ADAMTS6: variants seen among roughly 807,000 people sequenced by gnomAD.
ADAMTS6 encodes ADAM metallopeptidase with thrombospondin type 1 motif 6.
Under a neutral mutation model 144.3 loss-of-function variants are expected in ADAMTS6, and 23 were observed. That is an observed-to-expected ratio of 0.16 (90% CI 0.11 to 0.23). The LOEUF is 0.23. Ranked by LOEUF, ADAMTS6 falls within the 10% of genes least tolerant of loss-of-function variation. ADAMTS6 has a pLI of 1.00. For missense variants in ADAMTS6, 999 were observed against 1,379.6 expected, an observed-to-expected ratio of 0.72 and a Z score of 4.37; for synonymous variants, 444 against 457.5, an observed-to-expected ratio of 0.97 and a Z score of 0.38.
intron 7 of ADAMTS6, among the ~76,000 whole-genome samples, chr5:65,429,233 A>C (rs1756802701): frequency 1.3e-5 from 2 of 152,232 alleles, no homozygotes; most frequent in African/African-American, 4.8e-5. Flanking sequence ...GACACAAAGA[A>C]GAATCTGGAT....
intron 4 of ADAMTS6, among the ~76,000 whole-genome samples, chr5:65,458,704 C>A (rs974775028): frequency 1.3e-5 from 2 of 152,222 alleles, no homozygotes; most frequent in Non-Finnish European, 2.9e-5. Context: ...GCCACTGCAC[C>A]CGGCCAACCC....
chr5:65,417,598 A>G (rs1423936370), intron 7 of ADAMTS6, among the ~76,000 whole-genome samples: 2 of 152,182 alleles, frequency 1.3e-5, no homozygotes, highest in Non-Finnish European at 2.9e-5. Context: ...TCAAGCTGAG[A>G]GCCAAATCAA....
At chr5:65,473,305 T>G (rs1760606750) in intron 2 of ADAMTS6, among the ~76,000 whole-genome samples, 1 of 152,120 alleles carries the variant, frequency 6.6e-6, no homozygotes, top group Admixed American at 6.5e-5. Context: ...TATTAAAGTT[T>G]AAGTTTCAGA....
chr5:65,454,079 G>A (rs537999699), intron 4 of ADAMTS6, among the ~76,000 whole-genome samples: 1 of 152,256 alleles, frequency 6.6e-6, no homozygotes, highest in East Asian at 1.9e-4. Context: ...GTGGGAGTGG[G>A]TTCCTGATAA....
intron 7 of ADAMTS6, among the ~76,000 whole-genome samples, chr5:65,406,576 G>A (rs1323089059): frequency 2.6e-5 from 4 of 151,986 alleles, no homozygotes; most frequent in African/African-American, 7.3e-5. Flanking sequence ...TTTTTGCATT[G>A]ATGTTCATCA....
intron 22 of ADAMTS6, among the ~76,000 whole-genome samples, chr5:65,175,589 G>A (rs998750316): frequency 3.3e-5 from 5 of 152,004 alleles, no homozygotes; most frequent in African/African-American, 9.7e-5. Context: ...CCTGTGGATG[G>A]CCCAGAAGCA....
chr5:65,370,039 A>C lies in ADAMTS6; in HGVS notation c.1074-35954T>G, dbSNP rs183389399. ...GAGAGTTTTACATGGAAACCAAATG[A>C]ACAGTATATACTCTTCTGGGAAAAG... On this transcript the variant is annotated intron_variant, in intron 7 of 24. Coordinates refer to ENST00000381055, the MANE Select transcript of ADAMTS6 (RefSeq NM_197941.4). 2.0e-5 allele frequency among the ~76,000 whole-genome samples: 3 copies of C among 152,300 alleles called. No homozygotes were observed. The East Asian group carries it at 5.8e-4, about 29-fold the overall frequency.
In ADAMTS6 at chr5:65,329,424, T is replaced by A; in HGVS notation, c.1177A>T (p.Ile393Phe). The A allele has an allele frequency of 1.2e-6, 2 of 1,612,918 alleles. No individual in the cohort carries two copies. The highest frequency in any genetic ancestry group is 8.5e-7 in the Non-Finnish European group (1 of 1,179,316). Residue 393 changes from isoleucine (I) to phenylalanine (F), a missense_variant, in exon 9 of 25, where the codon ATT becomes TTT. Physicochemically the swap from Ile to Phe is conservative, Grantham distance 21 (BLOSUM62 0). Around this residue, in one of 3 missense-constraint regions of ADAMTS6, gnomAD observed 128 missense variants for 249.0 expected, o/e 0.51. Transcript: ENST00000381055. The part of the protein sequence containing the change: ...PERSCSINED[I>F]GLGSAFTIAH... The stretch of plus-strand genomic sequence containing the variant: ...ATGGTAAAAGCTGAACCCAGGCCAA[T>A]GTCTTCATTAATGCTGCAGCTCCTT...
chr5:65,343,023 A>C (rs1296085933), intron 7 of ADAMTS6, among the ~76,000 whole-genome samples: 1 of 152,166 alleles, frequency 6.6e-6, no homozygotes, highest in African/African-American at 2.4e-5. Flanking sequence ...GGACAACTAC[A>C]AAACACTGAT....
At chr5:65,238,926 T>C (rs1758917222) in intron 15 of ADAMTS6, among the ~76,000 whole-genome samples, 1 of 152,190 alleles carries the variant, frequency 6.6e-6, no homozygotes. Flanking sequence ...TCTGCGGACA[T>C]TAACAACTGA....
chr5:65,370,273 C>A (rs1163515657), intron 7 of ADAMTS6, among the ~76,000 whole-genome samples: 7 of 152,042 alleles, frequency 4.6e-5, no homozygotes, highest in Admixed American at 4.6e-4. Context: ...GGGGAGGAGC[C>A]AAGATGGCCG....
chr5:65,218,553 G>C (rs1372198528), intron 18 of ADAMTS6, among the ~76,000 whole-genome samples: 1 of 152,058 alleles, frequency 6.6e-6, no homozygotes, highest in Non-Finnish European at 1.5e-5. Flanking sequence ...TTTTCAAGTA[G>C]CTATTATAAA....
intron 7 of ADAMTS6, among the ~76,000 whole-genome samples, chr5:65,376,846 A>C: frequency 6.6e-6 from 1 of 152,010 alleles, no homozygotes. Flanking sequence ...AAAAATTAAA[A>C]AGCTAAAAAA....
At chr5:65,161,397 T>G (rs1292634379) in intron 24 of ADAMTS6, among the ~76,000 whole-genome samples, 1 of 152,192 alleles carries the variant, frequency 6.6e-6, no homozygotes, top group Admixed American at 6.5e-5. Context: ...GGATTAAAAC[T>G]TGTAATTCAG....
At chr5:65,341,991 C>G (rs1219256516) in intron 7 of ADAMTS6, among the ~76,000 whole-genome samples, 1 of 152,006 alleles carries the variant, frequency 6.6e-6, no homozygotes, top group Non-Finnish European at 1.5e-5. Flanking sequence ...GATAATACAC[C>G]ATGATCAAAT....
chr5:65,287,082 A>G (rs1369958064), intron 11 of ADAMTS6, among the ~76,000 whole-genome samples: 4 of 152,322 alleles, frequency 2.6e-5, no homozygotes, highest in Non-Finnish European at 5.9e-5. Context: ...GAAACCTACA[A>G]CAGAGCTAGC....
intron 7 of ADAMTS6, among the ~76,000 whole-genome samples, chr5:65,341,228 T>C (rs750824308): frequency 6.6e-6 from 1 of 151,990 alleles, no homozygotes; most frequent in African/African-American, 2.4e-5. Flanking sequence ...GGAAAGCTTA[T>C]AGCAATAAAT....
intron 7 of ADAMTS6, among the ~76,000 whole-genome samples, chr5:65,387,337 T>A (rs1167752396): frequency 6.6e-6 from 1 of 152,250 alleles, no homozygotes; most frequent in African/African-American, 2.4e-5. Context: ...ATTCCTTTAT[T>A]CTTCAATCAT....
chr5:65,379,857 T>C (rs1751888111), intron 7 of ADAMTS6, among the ~76,000 whole-genome samples: 1 of 152,026 alleles, frequency 6.6e-6, no homozygotes. Flanking sequence ...AATAATTATA[T>C]ATGGACAATA....
Sources: gnomAD v4.1 joint callset for allele counts (sites outside exome capture counted in the v4.1 genomes callset) on GRCh38, gnomAD v4.1.1 for gene constraint, gnomAD v4.1.1 regional missense constraint, MANE v1.5 for transcripts, NCBI Gene and HGNC (gene_info 2026-07-23, HGNC 2026-07-21) for gene names.